Variants in CDAN1 observed in about 807,000 individuals in gnomAD.
The protein encoded by CDAN1 is codanin-1.
In CDAN1, 107 loss-of-function variants were observed where a neutral mutation model predicts 139.8. The ratio of observed to expected loss-of-function variants is 0.77; its 90% CI spans 0.65 to 0.90. CDAN1 has a LOEUF of 0.90. Ranked by LOEUF, CDAN1 falls within the 40% of genes least tolerant of loss-of-function variation. The pLI is 0.00. For synonymous variants in CDAN1, 776 were observed against 660.6 expected, an observed-to-expected ratio of 1.17 and a Z score of -2.68; for missense variants, 1,667 against 1,575.7, an observed-to-expected ratio of 1.06 and a Z score of -0.98.
chr15:42,733,814 G>T (rs1410590018), intron 8 of CDAN1, 124 bp downstream of exon 8: 6 of 738,392 alleles, frequency 8.1e-6, no homozygotes, highest in African/African-American at 1.7e-5. Flanking sequence ...CGGCAGGAAG[G>T]ACCTGGGGGG....
At position 42,737,002 on chromosome 15, in the gene CDAN1, A is replaced by C. The variant is rs1414558657; in HGVS notation, c.90+11T>G. 1.9e-6 allele frequency: 3 copies of C among 1,541,664 alleles called. No individual in the cohort carries two copies. In the African/African-American group the frequency reaches 4.1e-5, roughly 21 times the overall value. ...TTCGAGTCAGACCTGGGGGCGTGTC[A>C]CCGCTGTTACCTCCGAACCCTGGGT... On this transcript the variant is annotated intron_variant, in intron 1 of 27. Transcript: ENST00000356231.
chr15:42,735,037 G>A (rs1206874439), intron 6 of CDAN1, 63 bp downstream of exon 6: 1 of 1,141,674 alleles, frequency 8.8e-7, no homozygotes, highest in African/African-American at 1.5e-5. Flanking sequence ...TATATCCCAA[G>A]CAGCCAGAGA....
rs1243728256 is a variant in CDAN1 at position 42,731,214 on chromosome 15, C to A, written c.1857G>T (p.Trp619Cys). 2 of 1,614,128 alleles carry A rather than the reference C, an allele frequency of 1.2e-6. No individual in the cohort carries two copies. Among genetic ancestry groups the A allele is most frequent in the Admixed American group, 3.3e-5 (2 of 60,010 alleles). ...NDEDGESDVD[W>C]QGERKQFAVV... ...TTCCCTTGTTCTGTTTTCGGACCTG[C>A]CAGTCTACGTCTGACTCCCCGTCTT... The change falls in exon 12 of 28, where the codon TGG (tryptophan) becomes TGT (cysteine). Residue 619 changes from tryptophan (W) to cysteine (C), a missense_variant. Physicochemically the swap from Trp to Cys is radical, Grantham distance 215. This residue lies in a region of CDAN1 where 936 missense variants were observed against 844.1 expected (regional missense o/e 1.11). Coordinates refer to ENST00000356231, the MANE Select transcript of CDAN1 (RefSeq NM_138477.4).
chr15:42,728,606 G>A (rs1211772930), intron 20 of CDAN1, 46 bp downstream of exon 20: 2 of 1,611,400 alleles, frequency 1.2e-6, no homozygotes, highest in South Asian at 1.1e-5. Flanking sequence ...AGAAAGGACA[G>A]AGAAAGCCAA....
intron 6 of CDAN1, 88 bp from the exon 7 acceptor site, chr15:42,734,434 G>C: frequency 6.5e-7 from 1 of 1,546,424 alleles, no homozygotes; most frequent in Non-Finnish European, 8.9e-7. Flanking sequence ...GGATCTCTAA[G>C]GCATGGCGCA....
At chr15:42,734,147 G>A (rs767747881) in intron 7 of CDAN1, 79 bp downstream of exon 7, 57 of 1,608,174 alleles carry the variant, frequency 3.5e-5, no homozygotes, top group East Asian at 6.7e-5. Context: ...CTGAAGTGTC[G>A]TCAGCAGGGT....
In CDAN1 at chr15:42,727,733, C is replaced by G. The variant is rs369919247; in HGVS notation, c.2984G>C (p.Arg995Pro). ...IRREVKAAVS[R>P]TLRAQGPEPA... ...TTCAGGACCCTGGGCTCGAAGTGTG[C>G]GACTCACTGCTGCTTTCACCTCCCT... The change falls in exon 23 of 28, where the codon CGC becomes CCC. Residue 995 changes from arginine (R) to proline (P), a missense_variant. Physicochemically the swap from Arg to Pro is moderately radical, Grantham distance 103 (BLOSUM62 -2). This residue lies in a region of CDAN1 where 936 missense variants were observed against 844.1 expected (regional missense o/e 1.11). Coordinates refer to ENST00000356231, the MANE Select transcript of CDAN1 (RefSeq NM_138477.4). 1 of 1,587,504 alleles carries G rather than the reference C, an allele frequency of 6.3e-7. No homozygotes were observed. Among genetic ancestry groups the G allele is most frequent in the African/African-American group, 1.3e-5 (1 of 74,606 alleles).
chr15:42,728,423 A>ACAAGC (rs1163219223), intron 20 of CDAN1, among the ~76,000 whole-genome samples, 156 bp from the exon 21 acceptor site: 6 of 151,258 alleles, frequency 4.0e-5, no homozygotes, highest in Non-Finnish European at 8.9e-5. Context: ...CAGAGAAAAG[A>ACAAGC]CAAGCCCAAC....
rs374597821 is a variant in CDAN1 at position 42,735,677 on chromosome 15, G to A, written c.776C>T (p.Ser259Phe). 6.2e-6 allele frequency: 10 copies of A among 1,613,970 alleles called. No individual in the cohort carries two copies. The African/African-American group carries it at 8.0e-5, about 13-fold the overall frequency. Residue 259 changes from serine to phenylalanine, a missense_variant and splice_region_variant, in exon 4 of 28, where the codon TCT becomes TTT. Ser to Phe is a radical substitution (Grantham distance 155). Around this residue, in one of 3 missense-constraint regions of CDAN1, gnomAD observed 487 missense variants for 422.2 expected, o/e 1.15. Transcript: ENST00000356231. ...GGTAGGTGACTGCTGCAGCTGCTTA[G>A]AGCTATGGAATAAAGAAATTTCATG... Reference protein sequence around the residue: ...EEREMLRKERSKQLQQSPTPT... With the variant: ...EEREMLRKERFKQLQQSPTPT...
Position 42,735,964 on chromosome 15 carries a change from G to A in CDAN1, c.684C>T (p.Pro228=). ...PPISCVPSSQ[P]SALDTSPWGL... is the part of the protein sequence containing the mutation. ...CCCAAGGGCTAGTGTCCAGGGCTGA[G>A]GGTTGGGAACTGGGGACACAGCTGA... The change falls in exon 3 of 28, where the codon CCC becomes CCT. Residue 228 remains proline, a synonymous_variant. Transcript: ENST00000356231. 6.2e-7 allele frequency: 1 copy of A among 1,614,206 alleles called. No homozygotes were observed. Among genetic ancestry groups the A allele is most frequent in the Non-Finnish European group, 8.5e-7 (1 of 1,180,028 alleles).
intron 19 of CDAN1, 87 bp downstream of exon 19, chr15:42,728,936 T>A: frequency 6.3e-7 from 1 of 1,577,234 alleles, no homozygotes; most frequent in South Asian, 1.1e-5. Context: ...ACACCCACCC[T>A]CTGGCTGACC....
In CDAN1 at chr15:42,736,521, C is replaced by T; in HGVS notation, c.350G>A (p.Arg117His). The T allele has an allele frequency of 1.4e-6, 2 of 1,416,418 alleles. No homozygotes were observed. The highest frequency in any genetic ancestry group is 9.2e-7 in the Non-Finnish European group (1 of 1,089,760). The allele number at this position is 1,416,418 out of a possible 1,614,324, so 87.7% of individuals were successfully genotyped here. ...CGGGCCCCGCCTCCTGCCCCCGCGGCGGGCCAGAGGGGCCTCGGCAGCGGT... is the reference window on the plus strand; with the variant it reads ...CGGGCCCCGCCTCCTGCCCCCGCGGTGGGCCAGAGGGGCCTCGGCAGCGGT... ...QSTAAEAPLA[R>H]RGGRRRGPGP... Residue 117 changes from arginine to histidine, a missense_variant, in exon 2 of 28, where the codon CGC becomes CAC. Around this residue, in one of 3 missense-constraint regions of CDAN1, gnomAD observed 487 missense variants for 422.2 expected, o/e 1.15. Coordinates refer to ENST00000356231, the MANE Select transcript of CDAN1 (RefSeq NM_138477.4).
chr15:42,725,067 T>C, intron 27 of CDAN1, 77 bp downstream of exon 27: 1 of 1,234,278 alleles, frequency 8.1e-7, no homozygotes. Flanking sequence ...TTTGGCCCCA[T>C]CACTTGCTTC....
chr15:42,736,602 G>A lies in CDAN1; in HGVS notation c.269C>T (p.Pro90Leu), dbSNP rs2140513696. The stretch of plus-strand genomic sequence containing the variant: ...GCTGCGCGCCCCGCGGCTACCCCGC[G>A]GCGGGCCTCCCGGCCTCCCTGGCAA... ...AALPGRPGGP[P>L]RGSRGARSQL... The change falls in exon 2 of 28, where the codon CCG (proline) becomes CTG (leucine). Residue 90 changes from proline (P) to leucine (L), a missense_variant. Coordinates refer to ENST00000356231, the MANE Select transcript of CDAN1 (RefSeq NM_138477.4). 2 of 1,503,306 alleles carry A rather than the reference G, an allele frequency of 1.3e-6. No homozygotes were observed. The highest frequency in any genetic ancestry group is 1.5e-5 in the African/African-American group (1 of 68,782). 93.1% of individuals were successfully genotyped at this position (1,503,306 alleles called of 1,614,324 possible).
chr15:42,732,929 C>A (rs1402776550), intron 9 of CDAN1, among the ~76,000 whole-genome samples, 168 bp downstream of exon 9: 1 of 152,118 alleles, frequency 6.6e-6, no homozygotes, highest in Non-Finnish European at 1.5e-5. Context: ...ACATCCCTTT[C>A]GAATAGAGGC....
intron 27 of CDAN1, 25 bp downstream of exon 27, chr15:42,725,119 A>T: frequency 6.4e-7 from 1 of 1,555,100 alleles, no homozygotes; most frequent in Non-Finnish European, 8.9e-7. Context: ...TTCTCTCTCC[A>T]CCTAAAAGAC....
chr15:42,729,381 A>G lies in CDAN1; in HGVS notation c.2408-19T>C. 6.2e-7 allele frequency: 1 copy of G among 1,614,074 alleles called. No individual in the cohort carries two copies. The highest frequency in any genetic ancestry group is 8.5e-7 in the Non-Finnish European group (1 of 1,179,944). On this transcript the variant is annotated intron_variant, in intron 17 of 27. Transcript: ENST00000356231. Reference sequence around the variant, plus strand: ...AGCTCTCCTGTATCAGTGAAGTCCAAGTTCTCAGTTCCAGAACCCTCTCCC... The same window carrying G: ...AGCTCTCCTGTATCAGTGAAGTCCAGGTTCTCAGTTCCAGAACCCTCTCCC...
At chr15:42,733,287 T>A (rs2140497188) in intron 8 of CDAN1, 101 bp from the exon 9 acceptor site, 1 of 953,024 alleles carries the variant, frequency 1.0e-6, no homozygotes, top group East Asian at 2.4e-5. Context: ...CCTTTTTTTT[T>A]TTTGGAGATG....
Position 42,735,350 on chromosome 15 carries a change from A to T in CDAN1, c.968T>A (p.Leu323Ter). ...IAENLVPNLF[L>*]ELFFVFQLLT... Reference sequence around the variant, plus strand: ...GAGCTGAAAGACGAAGAAAAGCTCCAAGAAGAGGTTTGGTACCAGGTTCTC... The same window carrying T: ...GAGCTGAAAGACGAAGAAAAGCTCCTAGAAGAGGTTTGGTACCAGGTTCTC... Residue 323 changes from leucine (L) to a stop codon, truncating the protein, a stop_gained, in exon 5 of 28, where the codon TTG becomes TAG. Transcript: ENST00000356231. LOFTEE classifies it high-confidence loss of function. 1 of 1,608,282 alleles carries T rather than the reference A, an allele frequency of 6.2e-7. No homozygotes were observed. Among genetic ancestry groups the T allele is most frequent in the Non-Finnish European group, 8.5e-7 (1 of 1,177,020 alleles).
Sources: gnomAD v4.1 joint callset for allele counts (sites outside exome capture counted in the v4.1 genomes callset) on GRCh38, gnomAD v4.1.1 for gene constraint, gnomAD v4.1.1 regional missense constraint, MANE v1.5 for transcripts, NCBI Gene and HGNC (gene_info 2026-07-23, HGNC 2026-07-21) for gene names.